Variants in IGHMBP2 observed in about 807,000 individuals in gnomAD.
IGHMBP2 encodes the protein DNA-binding protein SMUBP-2.
In IGHMBP2, 81 loss-of-function variants were observed where a neutral mutation model predicts 96.0. The observed-to-expected ratio is 0.84, with a 90% confidence interval of 0.71 to 1.01. IGHMBP2 has a LOEUF of 1.01. Ranked by LOEUF, IGHMBP2 falls within the 50% of genes least tolerant of loss-of-function variation. The pLI, the probability that IGHMBP2 is intolerant of heterozygous loss-of-function variation, is 0.00. For missense variants in IGHMBP2, 1,227 were observed against 1,306.3 expected (o/e 0.94, Z 0.94); for synonymous variants, 557 against 548.9 (o/e 1.01, Z -0.21).
chr11:68,926,282 T>C, intron 7 of IGHMBP2: 1 of 149,158 alleles, frequency 6.7e-6, no homozygotes, highest in South Asian at 2.2e-4. Flanking sequence ...TTTTTTTTTT[T>C]TTTTTTTTAG....
At chr11:68,912,379 C>G (rs1431093163) in intron 5 of IGHMBP2, among the ~76,000 whole-genome samples, 1 of 152,144 alleles carries the variant, frequency 6.6e-6, no homozygotes, top group Admixed American at 6.5e-5. Flanking sequence ...ATCTGCCTGC[C>G]TCAGCCTCCC....
At chr11:68,923,669 ACC>A (rs1450682428) in intron 7 of IGHMBP2, among the ~76,000 whole-genome samples, 2 of 152,044 alleles carry the variant, frequency 1.3e-5, no homozygotes, top group Non-Finnish European at 2.9e-5. Context: ...TACCCAATGC[ACC>A]CTGTATCATG....
At chr11:68,927,143 T>C (rs1859103501) in intron 7 of IGHMBP2, among the ~76,000 whole-genome samples, 1 of 152,236 alleles carries the variant, frequency 6.6e-6, no homozygotes, top group South Asian at 2.1e-4. Context: ...TAGTTTTTTG[T>C]TGAAAATGGA....
chr11:68,905,066 G>A (rs1175527094), intron 1 of IGHMBP2, among the ~76,000 whole-genome samples: 1 of 152,186 alleles, frequency 6.6e-6, no homozygotes, highest in Non-Finnish European at 1.5e-5. Context: ...AAAGTGTTGG[G>A]ATTACAGGCG....
chr11:68,905,833 A>G (rs1045120365), intron 1 of IGHMBP2, among the ~76,000 whole-genome samples: 6 of 152,088 alleles, frequency 3.9e-5, no homozygotes, highest in African/African-American at 7.2e-5. Flanking sequence ...GAGAGAGGGG[A>G]ATGCTGATTG....
rs142128884 is a variant in IGHMBP2, at chr11:68,938,346, C to T, written c.2776C>T (p.Leu926=). ...CSRRYCLSHH[L]PEIHGCGERA... ...CCGCCGCTACTGCCTCAGCCACCACCTGCCCGAGGTATGTCGGCCTCCCCT... is the reference window on the plus strand; with the variant it reads ...CCGCCGCTACTGCCTCAGCCACCACTTGCCCGAGGTATGTCGGCCTCCCCT... Residue 926 remains leucine (L), a synonymous_variant, in exon 14 of 15, where the codon CTG becomes TTG. Coordinates refer to ENST00000255078, the MANE Select transcript of IGHMBP2 (RefSeq NM_002180.3). 3.7e-6 allele frequency: 6 copies of T among 1,610,072 alleles called. No homozygotes were observed. The African/African-American group carries it at 8.0e-5, about 22-fold the overall frequency.
chr11:68,904,087 C>A, intron 1 of IGHMBP2, 49 bp downstream of exon 1: 2 of 1,457,496 alleles, frequency 1.4e-6, no homozygotes, highest in Non-Finnish European at 1.9e-6. Context: ...CCCGCCGTGT[C>A]CCGGGCAGAG....
chr11:68,939,221 C>T (rs12791419), intron 14 of IGHMBP2, among the ~76,000 whole-genome samples: 33,696 of 152,044 alleles, frequency 0.22, 3,973 homozygotes, highest in Non-Finnish European at 0.25. Flanking sequence ...GCTGTGATGT[C>T]ACCAGTCTTG....
chr11:68,934,459 T>A lies in IGHMBP2; in HGVS notation c.1538-5T>A. ...GCTGCTCACCCGTTCTTTCTTTCCCTCCAGGCGAAGTCCGCCTCGTCAGTT... is the reference window on the plus strand; with the variant it reads ...GCTGCTCACCCGTTCTTTCTTTCCCACCAGGCGAAGTCCGCCTCGTCAGTT... On this transcript the variant is annotated splice_region_variant and splice_polypyrimidine_tract_variant and intron_variant, in intron 10 of 14. Transcript: ENST00000255078. 1 of 1,602,416 alleles carries A rather than the reference T, an allele frequency of 6.2e-7. No individual in the cohort carries two copies. Among genetic ancestry groups the A allele is most frequent in the Non-Finnish European group, 8.5e-7 (1 of 1,173,596 alleles).
At chr11:68,931,631 G>A (rs1169550258) in intron 8 of IGHMBP2, among the ~76,000 whole-genome samples, 1 of 152,144 alleles carries the variant, frequency 6.6e-6, no homozygotes, top group Non-Finnish European at 1.5e-5. Context: ...TGGCTTCATG[G>A]AGTGTGCAGC....
At position 68,917,821 on chromosome 11, in the gene IGHMBP2, G is replaced by C. The variant is rs759353094; in HGVS notation, c.998G>C (p.Arg333Thr). The change falls in exon 7 of 15, where the codon AGG (arginine) becomes ACG (threonine). Residue 333 changes from arginine to threonine, a missense_variant. By Grantham distance (71) the Arg-to-Thr change is moderately conservative. Transcript: ENST00000255078. ...CTGTTAAGAAAAGAACTGAAGGAGA[G>C]GGAAGAAGCAGCTATGCTCGAGAGC... is the stretch of plus-strand genomic sequence containing the variant. ...IKLLRKELKE[R>T]EEAAMLESLT... 6.2e-7 allele frequency: 1 copy of C among 1,614,064 alleles called. No individual in the cohort carries two copies. Among genetic ancestry groups the C allele is most frequent in the Non-Finnish European group, 8.5e-7 (1 of 1,179,902 alleles).
At position 68,939,672 on chromosome 11, in the gene IGHMBP2, A is replaced by G; in HGVS notation, c.2923A>G (p.Lys975Glu). 1 of 1,613,064 alleles carries G rather than the reference A, an allele frequency of 6.2e-7. No individual in the cohort carries two copies. The highest frequency in any genetic ancestry group is 8.5e-7 in the Non-Finnish European group (1 of 1,179,800). Residue 975 changes from lysine (K) to glutamate (E), a missense_variant, in exon 15 of 15, where the codon AAG becomes GAG. By Grantham distance (56) the Lys-to-Glu change is moderately conservative. This residue lies in a region of IGHMBP2 where 703 missense variants were observed against 770.3 expected (regional missense o/e 0.91). Coordinates refer to ENST00000255078, the MANE Select transcript of IGHMBP2 (RefSeq NM_002180.3). ...KRAQLQRRLDKKLSELSNQRT... is the reference protein window; with the variant it reads ...KRAQLQRRLDEKLSELSNQRT... ...GGCCCAGCTGCAGAGGAGGCTGGAT[A>G]AGAAGCTGAGTGAGCTCAGCAACCA...
intron 1 of IGHMBP2, among the ~76,000 whole-genome samples, chr11:68,905,091 C>T (rs1010909478): frequency 2.0e-5 from 3 of 152,158 alleles, no homozygotes; most frequent in Admixed American, 6.5e-5. Flanking sequence ...CCACCGTGCC[C>T]GGCCGCAGTG....
rs1211747730 is a variant in IGHMBP2 at position 68,937,221 on chromosome 11, C to T, written c.2611+130C>T. The T allele has an allele frequency of 1.3e-5, 16 of 1,221,376 alleles. No homozygotes were observed. In the East Asian group the frequency reaches 3.3e-4, roughly 25 times the overall value. 75.7% of individuals were successfully genotyped at this position (1,221,376 alleles called of 1,614,324 possible). ...TGGCACCGTGCCCGTGTCATTTTAG[C>T]TTTATTTTCAGTCATGCCACTCCCA... is the stretch of plus-strand genomic sequence containing the variant. On this transcript the variant is annotated intron_variant, in intron 13 of 14. Coordinates refer to ENST00000255078, the MANE Select transcript of IGHMBP2 (RefSeq NM_002180.3).
chr11:68,929,809 A>G (rs1169625717), intron 8 of IGHMBP2: 4 of 985,338 alleles, frequency 4.1e-6, no homozygotes, highest in Non-Finnish European at 4.8e-6. Context: ...TGCCGTGCGG[A>G]GACACCGGAG....
rs746334377 is a variant in IGHMBP2, at chr11:68,936,596, G to A, written c.2116G>A (p.Ala706Thr). 6.2e-7 allele frequency: 1 copy of A among 1,612,946 alleles called. No homozygotes were observed. The highest frequency in any genetic ancestry group is 8.5e-7 in the Non-Finnish European group (1 of 1,179,402). ...KPAGKSLASE[A>T]PSQPSLNGGS... is the part of the protein sequence containing the mutation. ...GGCTGGGAAGTCTCTGGCCTCTGAA[G>A]CTCCATCTCAGCCCAGCCTCAACGG... The change falls in exon 13 of 15, where the codon GCT (alanine) becomes ACT (threonine). Residue 706 changes from alanine to threonine, a missense_variant. Coordinates refer to ENST00000255078, the MANE Select transcript of IGHMBP2 (RefSeq NM_002180.3).
chr11:68,931,260 C>T (rs138329098), intron 8 of IGHMBP2, among the ~76,000 whole-genome samples: 1 of 152,152 alleles, frequency 6.6e-6, no homozygotes, highest in Non-Finnish European at 1.5e-5. Context: ...TGGGGGTTGT[C>T]CTTCCTGGGG....
Position 68,940,145 on chromosome 11 carries a change from A to G in IGHMBP2, c.*414A>G. On this transcript the variant is annotated 3_prime_UTR_variant, in exon 15 of 15. Coordinates refer to ENST00000255078, the MANE Select transcript of IGHMBP2 (RefSeq NM_002180.3). ...GGGTGCTGAGAGGAAACAGGAAACA[A>G]GACTGCGAATGGCGCTCAGGCAGGG... 1 of 201,110 alleles carries G rather than the reference A, an allele frequency of 5.0e-6. No homozygotes were observed. The allele number at this position is 201,110 out of a possible 1,614,324, so 12.5% of individuals were successfully genotyped here. A position where few individuals can be genotyped will look rare whatever the true frequency, so the allele number is the denominator to read the frequency against.
intron 5 of IGHMBP2, among the ~76,000 whole-genome samples, chr11:68,913,586 G>A (rs1364003826): frequency 1.3e-5 from 2 of 151,940 alleles, no homozygotes; most frequent in Non-Finnish European, 2.9e-5. Flanking sequence ...TGGGATTACA[G>A]GCATGAGCCA....
Sources: allele counts gnomAD v4.1 joint callset (sites outside exome capture counted in the v4.1 genomes callset), GRCh38; gene constraint gnomAD v4.1.1; regional missense constraint gnomAD v4.1.1; transcripts MANE v1.5; gene names NCBI Gene and HGNC (gene_info 2026-07-23, HGNC 2026-07-21).